The following RASSF5 variants were observed in gnomAD, a reference collection of about 807,000 sequenced individuals.
The protein encoded by RASSF5 is Ras association domain family member 5, also known as ras association domain-containing protein 5.
In RASSF5, 25 loss-of-function variants were observed where a neutral mutation model predicts 40.5. That is an observed-to-expected ratio of 0.62 (90% confidence interval 0.45 to 0.86). The LOEUF (loss-of-function observed/expected upper bound fraction) is 0.86. RASSF5 is among the 40% of genes least tolerant of loss of function. RASSF5 has a pLI of 0.00. For missense variants in RASSF5, 521 were observed against 572.8 expected, an observed-to-expected ratio of 0.91 and a Z score of 0.92; for synonymous variants, 246 against 252.4, an observed-to-expected ratio of 0.97 and a Z score of 0.24.
chr1:206,570,286 G>T, intron 2 of RASSF5, among the ~76,000 whole-genome samples: 1 of 151,728 alleles, frequency 6.6e-6, no homozygotes, highest in East Asian at 1.9e-4. Context: ...TAGAAACAGG[G>T]TTTCACCATG....
intron 1 of RASSF5, among the ~76,000 whole-genome samples, chr1:206,524,670 T>TATGTATAATATATAAA (rs1667049381): frequency 1.6e-5 from 1 of 60,890 alleles, no homozygotes; most frequent in South Asian, 8.6e-4. Flanking sequence ...TAATATATAT[T>TATGTATAATATATAAA]ATATATAATA....
At chr1:206,517,337 T>C (rs1558495705) in intron 1 of RASSF5, among the ~76,000 whole-genome samples, 1 of 152,058 alleles carries the variant, frequency 6.6e-6, no homozygotes, top group Non-Finnish European at 1.5e-5. Flanking sequence ...TAGCTGGGTG[T>C]GGTGGTGCCC....
rs1371513135 is a variant in RASSF5 at position 206,589,034 on chromosome 1, T to C, written c.*2056T>C. On this transcript the variant is annotated 3_prime_UTR_variant, in exon 6 of 6. Coordinates refer to ENST00000579436, the MANE Select transcript of RASSF5 (RefSeq NM_182663.4). ...GGGTGTTTATGAAATGAGAAAATTA[T>C]TGGACAATTCAGACTTTACTAAAGC... The C allele has an allele frequency of 6.5e-6, 1 of 152,740 alleles. No individual in the cohort carries two copies. Among genetic ancestry groups the C allele is most frequent in the Admixed American group, 6.5e-5 (1 of 15,272 alleles). The allele number at this position is 152,740 out of a possible 1,614,324, so 9.5% of individuals were successfully genotyped here.
intron 2 of RASSF5, among the ~76,000 whole-genome samples, chr1:206,548,176 T>G (rs576338283): frequency 1.3e-5 from 2 of 152,344 alleles, no homozygotes; most frequent in African/African-American, 4.8e-5. Context: ...CTTTTTTCTT[T>G]TTATCGCTAT....
At chr1:206,568,060 C>A (rs902639264) in intron 2 of RASSF5, among the ~76,000 whole-genome samples, 2 of 152,128 alleles carry the variant, frequency 1.3e-5, no homozygotes, top group African/African-American at 4.8e-5. Flanking sequence ...AGCTCTTGAC[C>A]TCACAAAGGA....
intron 4 of RASSF5, 57 bp from the exon 5 acceptor site, chr1:206,585,123 C>T (rs1669059256): frequency 7.4e-7 from 1 of 1,351,376 alleles, no homozygotes. Context: ...TCCCGCAAGC[C>T]TGGGCCCCGC....
chr1:206,568,198 A>G (rs1668334913), intron 2 of RASSF5, among the ~76,000 whole-genome samples: 1 of 152,210 alleles, frequency 6.6e-6, no homozygotes, highest in African/African-American at 2.4e-5. Flanking sequence ...TGGCACAGTG[A>G]GGGGACACAA....
chr1:206,576,974 T>C (rs143846266), intron 2 of RASSF5, among the ~76,000 whole-genome samples: 4,298 of 111,108 alleles, frequency 0.039, 180 homozygotes, highest in African/African-American at 0.13. Context: ...CAGCTAATTT[T>C]TGTATTTTTT....
Position 206,560,270 on chromosome 1 carries a change from G to A in RASSF5, c.579+21977G>A, listed in dbSNP as rs1344392742. ...TGCCTGGCTAGAACAGAGCTTCAGGGAAGCCTCACTGCTGTGCGATGCCAC... is the reference window on the plus strand; with the variant it reads ...TGCCTGGCTAGAACAGAGCTTCAGGAAAGCCTCACTGCTGTGCGATGCCAC... On this transcript the variant is annotated intron_variant, in intron 2 of 5. Transcript: ENST00000579436. The surrounding 1 kb of genome is among the most constrained non-coding windows in gnomAD (Gnocchi z 5.1). Among the ~76,000 whole-genome samples, 1 of 152,206 alleles carries A rather than the reference G, an allele frequency of 6.6e-6. No individual in the cohort carries two copies. The highest frequency in any genetic ancestry group is 6.5e-5 in the Admixed American group (1 of 15,286).
chr1:206,517,303 C>G (rs1666774391), intron 1 of RASSF5, among the ~76,000 whole-genome samples: 1 of 152,072 alleles, frequency 6.6e-6, no homozygotes, highest in African/African-American at 2.4e-5. Flanking sequence ...GTGAGACCCC[C>G]ACCTCTACAA....
intron 5 of RASSF5, chr1:206,586,266 A>C (rs4240839): frequency 0.66 from 101,998 of 153,714 alleles, 34,057 homozygotes; most frequent in African/African-American, 0.74. Flanking sequence ...GGAAGTCCAA[A>C]TTGCCTTCTG....
intron 2 of RASSF5, among the ~76,000 whole-genome samples, chr1:206,578,388 A>C (rs975347045): frequency 1.3e-5 from 2 of 152,070 alleles, no homozygotes; most frequent in Non-Finnish European, 2.9e-5. Context: ...TTTTTGTGAC[A>C]CATTTGCTGT....
intron 3 of RASSF5, among the ~76,000 whole-genome samples, chr1:206,583,935 A>G (rs1237793740): frequency 2.0e-5 from 3 of 152,148 alleles, no homozygotes; most frequent in African/African-American, 7.2e-5. Flanking sequence ...AAATGCACCT[A>G]GGTTTAAGTC....
At position 206,513,090 on chromosome 1, in the gene RASSF5, C is replaced by G. The variant is rs997897043; in HGVS notation, c.457+5031C>G. The stretch of plus-strand genomic sequence containing the variant: ...GCTGTCTCAGGCCCTCAAGCCATTT[C>G]CCCCGCTTTGGGCTTCAGAGTCAGC... On this transcript the variant is annotated intron_variant, in intron 1 of 5. Coordinates refer to ENST00000579436, the MANE Select transcript of RASSF5 (RefSeq NM_182663.4). This position sits in a 1 kb window ranked among gnomAD's most constrained non-coding sequence, Gnocchi z 5.0. Among the ~76,000 whole-genome samples, 1 of 152,162 alleles carries G rather than the reference C, an allele frequency of 6.6e-6. No individual in the cohort carries two copies. The highest frequency in any genetic ancestry group is 1.5e-5 in the Non-Finnish European group (1 of 68,020).
intron 1 of RASSF5, among the ~76,000 whole-genome samples, chr1:206,508,323 CA>C (rs1553394175): frequency 3.4e-5 from 2 of 59,100 alleles, no homozygotes; most frequent in African/African-American, 2.4e-4. Context: ...CTTGGCCCTC[CA>C]CACACACACA....
chr1:206,557,702 A>G (rs782496235), intron 2 of RASSF5: 2 of 1,613,856 alleles, frequency 1.2e-6, no homozygotes, highest in East Asian at 4.5e-5. Context: ...AGGTAAACAT[A>G]ATAATGGAAT....
At chr1:206,539,413 C>T (rs1157444331) in intron 2 of RASSF5, among the ~76,000 whole-genome samples, 1 of 152,170 alleles carries the variant, frequency 6.6e-6, no homozygotes, top group Non-Finnish European at 1.5e-5. Flanking sequence ...TCCAGAGTAG[C>T]CATCACATGC....
Position 206,579,693 on chromosome 1 carries a change from C to T in RASSF5, c.580-3576C>T, listed in dbSNP as rs1668794320. On this transcript the variant is annotated intron_variant, in intron 2 of 5. Coordinates refer to ENST00000579436, the MANE Select transcript of RASSF5 (RefSeq NM_182663.4). This position sits in a 1 kb window ranked among gnomAD's most constrained non-coding sequence, Gnocchi z 4.2. ...AAATTCCCATGCCCAGACTGCACCCCAGACCAATTAAATCAGAATCTCCAG... is the reference window on the plus strand; with the variant it reads ...AAATTCCCATGCCCAGACTGCACCCTAGACCAATTAAATCAGAATCTCCAG... 6.6e-6 allele frequency among the ~76,000 whole-genome samples: 1 copy of T among 152,194 alleles called. No homozygotes were observed. The highest frequency in any genetic ancestry group is 1.5e-5 in the Non-Finnish European group (1 of 68,032).
chr1:206,553,071 G>A (rs980568978), intron 2 of RASSF5, among the ~76,000 whole-genome samples: 19 of 152,010 alleles, frequency 1.2e-4, no homozygotes, highest in African/African-American at 4.6e-4. Context: ...GTGTGGTGGC[G>A]GGCGCCTGTA....
Sources: allele counts gnomAD v4.1 joint callset (sites outside exome capture counted in the v4.1 genomes callset), GRCh38; gene constraint gnomAD v4.1.1; non-coding constraint Gnocchi (gnomAD v3.1); transcripts MANE v1.5; gene names NCBI Gene and HGNC (gene_info 2026-07-23, HGNC 2026-07-21).